The following MGLL variants were observed in gnomAD, a reference collection of about 807,000 sequenced individuals.
MGLL encodes monoglyceride lipase.
A neutral mutation model predicts 29.1 loss-of-function variants in MGLL; 7 were observed. That is an observed-to-expected ratio of 0.24 (90% CI 0.14 to 0.45). The LOEUF (loss-of-function observed/expected upper bound fraction) is 0.45, where lower values mean the gene tolerates loss of function less well. MGLL is among the 20% of genes least tolerant of loss of function. The pLI is 0.99. For missense variants in MGLL, 356 were observed against 413.6 expected, an observed-to-expected ratio of 0.86 and a Z score of 1.21; for synonymous variants, 148 against 168.3, an observed-to-expected ratio of 0.88 and a Z score of 0.93.
intron 2 of MGLL, among the ~76,000 whole-genome samples, chr3:127,784,551 C>T (rs761203261): frequency 5.9e-5 from 9 of 152,106 alleles, no homozygotes; most frequent in African/African-American, 1.2e-4. Context: ...CCACTGCAGG[C>T]GGTGGGGGTC....
chr3:127,716,387 C>T (rs186208582), intron 5 of MGLL, among the ~76,000 whole-genome samples: 1 of 148,836 alleles, frequency 6.7e-6, no homozygotes, highest in African/African-American at 2.4e-5. Context: ...TGGCTTCTGG[C>T]CCTAAGGAGA....
At chr3:127,774,088 G>A (rs72973738) in intron 3 of MGLL, among the ~76,000 whole-genome samples, 2,261 of 152,308 alleles carry the variant, frequency 0.015, 63 homozygotes, top group African/African-American at 0.051. Context: ...TCCCAGAGCA[G>A]CCTCTGTTCC....
chr3:127,746,709 C>A (rs1021940406), intron 3 of MGLL, among the ~76,000 whole-genome samples: 1 of 152,160 alleles, frequency 6.6e-6, no homozygotes, highest in African/African-American at 2.4e-5. Flanking sequence ...GAGGCATGCA[C>A]GCCATCCTTC....
chr3:127,708,866 C>T (rs753423160), intron 6 of MGLL, among the ~76,000 whole-genome samples: 2 of 152,162 alleles, frequency 1.3e-5, no homozygotes, highest in Admixed American at 1.3e-4. Flanking sequence ...CCATGGGCTG[C>T]GTGGACCAGC....
rs1472794816 is a variant in MGLL at position 127,817,840 on chromosome 3, C to T, written c.155+3854G>A. Among the ~76,000 whole-genome samples, 5 of 152,352 alleles carry T rather than the reference C, an allele frequency of 3.3e-5. No homozygotes were observed. In the East Asian group the frequency reaches 9.6e-4, roughly 29 times the overall value. Reference sequence around the variant, plus strand: ...AGGTGCTAAATATTTCTCAAAGGGGCACAAGAGAAACTGTGACTTCCTAGC... The same window carrying T: ...AGGTGCTAAATATTTCTCAAAGGGGTACAAGAGAAACTGTGACTTCCTAGC... On this transcript the variant is annotated intron_variant, in intron 2 of 7. Coordinates refer to ENST00000265052, the MANE Select transcript of MGLL (RefSeq NM_007283.7).
intron 3 of MGLL, among the ~76,000 whole-genome samples, chr3:127,779,350 G>C (rs2077086483): frequency 6.6e-6 from 1 of 152,120 alleles, no homozygotes; most frequent in African/African-American, 2.4e-5. Context: ...CTGGGCGACA[G>C]AGCAAGACTC....
At chr3:127,710,354 T>G (rs1271715950) in intron 6 of MGLL, among the ~76,000 whole-genome samples, 1 of 152,228 alleles carries the variant, frequency 6.6e-6, no homozygotes, top group Non-Finnish European at 1.5e-5. Flanking sequence ...CTTCCACTGT[T>G]GGCTCCTTTC....
chr3:127,815,810 T>C (rs1204351889), intron 2 of MGLL, among the ~76,000 whole-genome samples: 1 of 152,222 alleles, frequency 6.6e-6, no homozygotes, highest in Non-Finnish European at 1.5e-5. Context: ...TGCCTCTAGG[T>C]CCTGGCTGCA....
chr3:127,789,471 G>A (rs1035077600), intron 2 of MGLL, among the ~76,000 whole-genome samples: 1 of 152,230 alleles, frequency 6.6e-6, no homozygotes, highest in African/African-American at 2.4e-5. Flanking sequence ...ATTTTGGGAG[G>A]CCAAAGTAGG....
intron 3 of MGLL, among the ~76,000 whole-genome samples, chr3:127,749,902 C>T (rs549850489): frequency 6.6e-6 from 1 of 152,282 alleles, no homozygotes; most frequent in Admixed American, 6.5e-5. Flanking sequence ...TCTGGGGACA[C>T]ATGTTCCTAG....
Position 127,781,771 on chromosome 3 carries a change from G to A in MGLL, c.262+18C>T. 4 of 1,611,630 alleles carry A rather than the reference G, an allele frequency of 2.5e-6. No homozygotes were observed. Among genetic ancestry groups the A allele is most frequent in the Non-Finnish European group, 3.4e-6 (4 of 1,177,762 alleles). On this transcript the variant is annotated intron_variant, in intron 3 of 7. Coordinates refer to ENST00000265052, the MANE Select transcript of MGLL (RefSeq NM_007283.7). Reference sequence around the variant, plus strand: ...TGTCAGGGCCCAGCCAGCTCTGACGGCACCCTGGGACACTCACCATGGTCG... The same window carrying A: ...TGTCAGGGCCCAGCCAGCTCTGACGACACCCTGGGACACTCACCATGGTCG...
In MGLL at chr3:127,736,080, A is replaced by G. The variant is rs141313242; in HGVS notation, c.263-13514T>C. Reference sequence around the variant, plus strand: ...GATCTGTTGTCCTCTGTGAGATTACAGAAGTTCCCAAACAGTGCTAGTTCC... The same window carrying G: ...GATCTGTTGTCCTCTGTGAGATTACGGAAGTTCCCAAACAGTGCTAGTTCC... On this transcript the variant is annotated intron_variant, in intron 3 of 7. Transcript: ENST00000265052. 2.9e-5 allele frequency: 37 copies of G among 1,271,630 alleles called. No homozygotes were observed. In the African/African-American group the frequency reaches 4.8e-4, roughly 16 times the overall value. 78.8% of individuals were successfully genotyped at this position (1,271,630 alleles called of 1,614,324 possible).
At chr3:127,769,388 A>G (rs1383871655) in intron 3 of MGLL, among the ~76,000 whole-genome samples, 1 of 152,018 alleles carries the variant, frequency 6.6e-6, no homozygotes, top group Non-Finnish European at 1.5e-5. Context: ...ATTGTCTTTG[A>G]CCATAAGCTT....
chr3:127,728,349 T>C (rs548362126), intron 3 of MGLL, among the ~76,000 whole-genome samples: 5 of 152,202 alleles, frequency 3.3e-5, no homozygotes, highest in Non-Finnish European at 7.3e-5. Flanking sequence ...ATCCATCTAG[T>C]CTATCATCTA....
chr3:127,759,366 G>A (rs1210836397), intron 3 of MGLL, among the ~76,000 whole-genome samples: 2 of 152,242 alleles, frequency 1.3e-5, no homozygotes, highest in African/African-American at 2.4e-5. Flanking sequence ...CAACCTCTGC[G>A]GGACTGTCCT....
rs533097395 is a variant in MGLL, at chr3:127,765,674, C to T, written c.262+16115G>A. ...AAAAACAAGTTCAACAGTGGGTAAA[C>T]GAACAGAAACACGTACCCCCAACAT... is the stretch of plus-strand genomic sequence containing the variant. On this transcript the variant is annotated intron_variant, in intron 3 of 7. Coordinates refer to ENST00000265052, the MANE Select transcript of MGLL (RefSeq NM_007283.7). 3.9e-5 allele frequency among the ~76,000 whole-genome samples: 6 copies of T among 152,332 alleles called. No homozygotes were observed. The East Asian group carries it at 7.7e-4, about 20-fold the overall frequency.
rs2075401456 is a variant in MGLL, at chr3:127,697,809, CTGT to C, written c.601-2622_601-2620del. Among the ~76,000 whole-genome samples, 3 of 152,210 alleles carry C rather than the reference CTGT, an allele frequency of 2.0e-5. 1 individual carries two copies. The highest frequency in any genetic ancestry group is 4.1e-4 in the South Asian group (2 of 4,830). On this transcript the variant is annotated intron_variant, in intron 6 of 7. Coordinates refer to ENST00000265052, the MANE Select transcript of MGLL (RefSeq NM_007283.7). ...GTCACCCCCTCTCTTGGTTAAGCTG[CTGT>C]TGTTGGGGGTATGGGTTCCAGCAGG...
rs1346148987 is a variant in MGLL at position 127,760,313 on chromosome 3, C to A, written c.262+21476G>T. On this transcript the variant is annotated intron_variant, in intron 3 of 7. Coordinates refer to ENST00000265052, the MANE Select transcript of MGLL (RefSeq NM_007283.7). ...AGTAGGCCAGGCCACTCTGCCTCCA[C>A]CCAGCAGGTTCACATAACAGAACTC... Among the ~76,000 whole-genome samples, 5 of 152,234 alleles carry A rather than the reference C, an allele frequency of 3.3e-5. No homozygotes were observed. The East Asian group carries it at 9.6e-4, about 29-fold the overall frequency.
chr3:127,774,599 C>T (rs1410465725), intron 3 of MGLL, among the ~76,000 whole-genome samples: 1 of 152,240 alleles, frequency 6.6e-6, no homozygotes, highest in South Asian at 2.1e-4. Flanking sequence ...CTTTCAATAG[C>T]TGCAAAGTCT....
Sources: allele counts gnomAD v4.1 joint callset (sites outside exome capture counted in the v4.1 genomes callset), GRCh38; gene constraint gnomAD v4.1.1; transcripts MANE v1.5; gene names NCBI Gene and HGNC (gene_info 2026-07-23, HGNC 2026-07-21).